Variants in BCAS3 observed in about 807,000 individuals in gnomAD.
BCAS3 encodes the protein BCAS3 microtubule associated cell migration factor, also known as BCAS4/BCAS3 fusion.
Under a neutral mutation model 116.1 loss-of-function variants are expected in BCAS3, and 53 were observed. The ratio of observed to expected loss-of-function variants is 0.46; its 90% CI spans 0.37 to 0.57. The LOEUF (loss-of-function observed/expected upper bound fraction) is 0.57, where lower values mean the gene tolerates loss of function less well. BCAS3 is among the 20% of genes least tolerant of loss of function. The pLI is 0.00. For missense variants in BCAS3, 917 were observed against 1,165.4 expected (o/e 0.79, Z 3.10); for synonymous variants, 391 against 408.2 (o/e 0.96, Z 0.51).
At chr17:60,750,942 G>T (rs2042402836) in intron 6 of BCAS3, among the ~76,000 whole-genome samples, 1 of 152,158 alleles carries the variant, frequency 6.6e-6, no homozygotes, top group East Asian at 1.9e-4. Context: ...TTTGCAGGCT[G>T]TTTTTATGTA....
chr17:61,294,266 C>T (rs1187146260), intron 22 of BCAS3, among the ~76,000 whole-genome samples: 1 of 152,062 alleles, frequency 6.6e-6, no homozygotes, highest in South Asian at 2.1e-4. Context: ...TGTTTTTATT[C>T]CAGGCCCACA....
chr17:61,104,208 T>G lies in BCAS3; in HGVS notation c.2425+19644T>G, dbSNP rs990630112. ...GGTGGGCTTGATGTCCTCTCTCCCATTCCACCTCCCCACCCACAGACTCAT... is the reference window on the plus strand; with the variant it reads ...GGTGGGCTTGATGTCCTCTCTCCCAGTCCACCTCCCCACCCACAGACTCAT... On this transcript the variant is annotated intron_variant, in intron 22 of 23. Transcript: ENST00000407086. This position sits in a 1 kb window ranked among gnomAD's most constrained non-coding sequence, Gnocchi z 4.1. Among the ~76,000 whole-genome samples the G allele has an allele frequency of 2.6e-5, 4 of 152,136 alleles. No individual in the cohort carries two copies. Among genetic ancestry groups the G allele is most frequent in the Non-Finnish European group, 5.9e-5 (4 of 68,018 alleles).
chr17:60,891,604 T>C, intron 10 of BCAS3: 1 of 444,284 alleles, frequency 2.3e-6, no homozygotes, highest in South Asian at 1.6e-5. Flanking sequence ...GGTACCAGTC[T>C]CTTTCAGTGA....
chr17:60,825,149 G>C (rs1232938971), intron 7 of BCAS3, among the ~76,000 whole-genome samples: 1 of 148,558 alleles, frequency 6.7e-6, no homozygotes, highest in Non-Finnish European at 1.5e-5. Context: ...CTGGATGACA[G>C]ACTGAGAACC....
rs529245903 is a variant in BCAS3 at position 61,021,649 on chromosome 17, C to T, written c.1637+5748C>T. On this transcript the variant is annotated intron_variant, in intron 16 of 23. Coordinates refer to ENST00000407086, the MANE Select transcript of BCAS3 (RefSeq NM_017679.5). The surrounding 1 kb of genome is among the most constrained non-coding windows in gnomAD (Gnocchi z 4.6). ...CTAAGCCTCAGGACTGTTGAGCAGC[C>T]GTAAGCCAGTGCTGATGGGCTCAGG... Among the ~76,000 whole-genome samples the T allele has an allele frequency of 2.6e-5, 4 of 152,244 alleles. No homozygotes were observed. Among genetic ancestry groups the T allele is most frequent in the Non-Finnish European group, 5.9e-5 (4 of 68,018 alleles).
intron 6 of BCAS3, among the ~76,000 whole-genome samples, chr17:60,788,247 T>C (rs2046454830): frequency 6.6e-6 from 1 of 152,214 alleles, no homozygotes; most frequent in South Asian, 2.1e-4. Flanking sequence ...AGAAAAGAAT[T>C]CTTGTCTAGC....
chr17:61,071,828 T>C (rs1205984269), intron 19 of BCAS3, among the ~76,000 whole-genome samples: 1 of 152,214 alleles, frequency 6.6e-6, no homozygotes, highest in Non-Finnish European at 1.5e-5. Context: ...GTTCTCTTAT[T>C]GCACTCTTCT....
intron 15 of BCAS3, among the ~76,000 whole-genome samples, chr17:61,015,222 G>A (rs2065371586): frequency 1.3e-5 from 2 of 152,196 alleles, no homozygotes; most frequent in South Asian, 2.1e-4. Flanking sequence ...TAGGAATTCA[G>A]CCCTAATTCC....
At chr17:61,045,882 T>TATA (rs1163958760) in intron 19 of BCAS3, among the ~76,000 whole-genome samples, 2 of 44,468 alleles carry the variant, frequency 4.5e-5, no homozygotes, top group Non-Finnish European at 6.1e-5. Flanking sequence ...TATAAATATA[T>TATA]ATTATATATA....
At chr17:61,135,662 C>G (rs187625243) in intron 22 of BCAS3, among the ~76,000 whole-genome samples, 8 of 152,306 alleles carry the variant, frequency 5.3e-5, no homozygotes, top group Middle Eastern at 3.4e-3. Context: ...TAGAACAGTT[C>G]TCACATTTTT....
chr17:60,807,976 T>G (rs1182245165), intron 6 of BCAS3, 28 bp from the exon 7 acceptor site: 1 of 1,502,796 alleles, frequency 6.7e-7, no homozygotes, highest in Admixed American at 1.7e-5. Flanking sequence ...TCCTCAAAGC[T>G]TACAATTTAT....
intron 22 of BCAS3, among the ~76,000 whole-genome samples, chr17:61,296,863 A>G (rs1383169067): frequency 6.6e-6 from 1 of 152,208 alleles, no homozygotes; most frequent in African/African-American, 2.4e-5. Flanking sequence ...CATAAGACAT[A>G]AATGCTTGGA....
intron 14 of BCAS3, among the ~76,000 whole-genome samples, chr17:60,971,113 C>T (rs1293293742): frequency 1.3e-5 from 2 of 152,106 alleles, no homozygotes; most frequent in Non-Finnish European, 2.9e-5. Flanking sequence ...AGAACCTTAC[C>T]TTGGCTGTGA....
In BCAS3 at chr17:61,155,132, A is replaced by G. The variant is rs1434759234; in HGVS notation, c.2425+70568A>G. On this transcript the variant is annotated intron_variant, in intron 22 of 23. Coordinates refer to ENST00000407086, the MANE Select transcript of BCAS3 (RefSeq NM_017679.5). The stretch of plus-strand genomic sequence containing the variant: ...CTCAACAAACCCATTTTATTATACA[A>G]TGAAAAAAGTGTACGAAGCTTACAT... Among the ~76,000 whole-genome samples the G allele has an allele frequency of 3.3e-5, 5 of 152,308 alleles. No individual in the cohort carries two copies. The East Asian group carries it at 9.6e-4, about 29-fold the overall frequency.
Position 61,145,348 on chromosome 17 carries a change from C to G in BCAS3, c.2425+60784C>G, listed in dbSNP as rs1326433112. ...GGGTCTGGCCTGCAGAAAGGAGCAG[C>G]CTGACCAAATTTACGCTCACAAGAT... On this transcript the variant is annotated intron_variant, in intron 22 of 23. Transcript: ENST00000407086. This position sits in a 1 kb window ranked among gnomAD's most constrained non-coding sequence, Gnocchi z 5.0. Among the ~76,000 whole-genome samples the G allele has an allele frequency of 6.6e-6, 1 of 152,204 alleles. No individual in the cohort carries two copies. The highest frequency in any genetic ancestry group is 1.5e-5 in the Non-Finnish European group (1 of 68,038).
At chr17:61,262,917 C>A (rs1035250841) in intron 22 of BCAS3, among the ~76,000 whole-genome samples, 2 of 151,982 alleles carry the variant, frequency 1.3e-5, no homozygotes, top group Non-Finnish European at 2.9e-5. Context: ...GTCTCGAATT[C>A]CTGACCTCAG....
At chr17:61,093,253 T>C (rs1241795419) in intron 22 of BCAS3, among the ~76,000 whole-genome samples, 1 of 152,138 alleles carries the variant, frequency 6.6e-6, no homozygotes, top group Non-Finnish European at 1.5e-5. Context: ...TTGTATAGTT[T>C]AAGCCTTCAC....
At chr17:60,897,911 T>G (rs2057618264) in intron 10 of BCAS3, among the ~76,000 whole-genome samples, 1 of 151,154 alleles carries the variant, frequency 6.6e-6, no homozygotes, top group Non-Finnish European at 1.5e-5. Context: ...TATTTTTATT[T>G]TTTTTTTTGG....
At chr17:61,178,488 G>T (rs1029140200) in intron 22 of BCAS3, among the ~76,000 whole-genome samples, 1 of 152,052 alleles carries the variant, frequency 6.6e-6, no homozygotes. Context: ...TATGAATATA[G>T]AGATGGGTCA....
Sources: allele counts gnomAD v4.1 joint callset (sites outside exome capture counted in the v4.1 genomes callset), GRCh38; gene constraint gnomAD v4.1.1; non-coding constraint Gnocchi (gnomAD v3.1); transcripts MANE v1.5; gene names NCBI Gene and HGNC (gene_info 2026-07-23, HGNC 2026-07-21).